ARHGAP28: variants seen among roughly 807,000 people sequenced by gnomAD.
The protein encoded by ARHGAP28 is Rho GTPase activating protein 28.
ARHGAP28 carries 56 observed loss-of-function variants against 90.7 expected under a neutral mutation model. That is an observed-to-expected ratio of 0.62 (90% CI 0.50 to 0.77). The LOEUF (loss-of-function observed/expected upper bound fraction) is 0.77. Ranked by LOEUF, ARHGAP28 falls within the 30% of genes least tolerant of loss-of-function variation. The pLI is 0.00. For synonymous variants in ARHGAP28, 308 were observed against 323.3 expected, an observed-to-expected ratio of 0.95 and a Z score of 0.51; for missense variants, 869 against 900.9, an observed-to-expected ratio of 0.96 and a Z score of 0.45.
chr18:6,766,540 G>A (rs1470021359), intron 1 of ARHGAP28, among the ~76,000 whole-genome samples: 2 of 152,236 alleles, frequency 1.3e-5, no homozygotes, highest in East Asian at 1.9e-4. Flanking sequence ...TGAGCACAGC[G>A]TGGTACTAAA....
intron 2 of ARHGAP28, among the ~76,000 whole-genome samples, chr18:6,829,469 A>G (rs1473950002): frequency 6.6e-6 from 1 of 152,244 alleles, no homozygotes; most frequent in Non-Finnish European, 1.5e-5. Flanking sequence ...AACTGCTACA[A>G]AAGCAGACCT....
chr18:6,736,068 GGAAA>G (rs2055924612), intron 1 of ARHGAP28, among the ~76,000 whole-genome samples: 2 of 152,102 alleles, frequency 1.3e-5, no homozygotes, highest in African/African-American at 4.8e-5. Flanking sequence ...TTGAGACTGT[GGAAA>G]TATCCTTTTT....
At chr18:6,744,646 A>G (rs150059758) in intron 1 of ARHGAP28, among the ~76,000 whole-genome samples, 106 of 152,304 alleles carry the variant, frequency 7.0e-4, no homozygotes, top group African/African-American at 2.4e-3. Context: ...AGTTCATTCA[A>G]TTACTCAAAG....
At chr18:6,752,600 G>A (rs1366716564) in intron 1 of ARHGAP28, among the ~76,000 whole-genome samples, 5 of 152,144 alleles carry the variant, frequency 3.3e-5, no homozygotes, top group African/African-American at 9.7e-5. Context: ...GCAAAACCAC[G>A]AAGTGCTAAA....
At chr18:6,876,498 A>G (rs1159750101) in intron 10 of ARHGAP28, among the ~76,000 whole-genome samples, 5 of 152,202 alleles carry the variant, frequency 3.3e-5, no homozygotes. Context: ...ATGAAATAGC[A>G]CATCAATTCA....
At position 6,856,558 on chromosome 18, in the gene ARHGAP28, G is replaced by A. The variant is rs141229497; in HGVS notation, c.637-3250G>A. Among the ~76,000 whole-genome samples the A allele has an allele frequency of 3.4e-3, 525 of 152,176 alleles. 7 individuals are homozygous for A. Among genetic ancestry groups the A allele is most frequent in the African/African-American group, 0.012 (492 of 41,498 alleles). The stretch of plus-strand genomic sequence containing the variant: ...AGGGTCTCACTCTGTTGTCCAGCCT[G>A]GAGAGCACTGGCACAATCATAGCTC... On this transcript the variant is annotated intron_variant, in intron 4 of 17. Coordinates refer to ENST00000383472, the MANE Select transcript of ARHGAP28 (RefSeq NM_001366230.1).
intron 1 of ARHGAP28, among the ~76,000 whole-genome samples, chr18:6,777,702 G>A (rs768232220): frequency 2.0e-5 from 3 of 152,132 alleles, no homozygotes; most frequent in Non-Finnish European, 2.9e-5. Context: ...TCCAGCCTGG[G>A]CAACAGAGCA....
chr18:6,877,567 G>A (rs562743835), intron 10 of ARHGAP28, among the ~76,000 whole-genome samples: 60 of 152,322 alleles, frequency 3.9e-4, no homozygotes, highest in Admixed American at 5.9e-4. Flanking sequence ...AAGCGAGGTC[G>A]GAGCAGGGCA....
chr18:6,877,683 C>T (rs762679385), intron 10 of ARHGAP28, among the ~76,000 whole-genome samples: 7 of 152,164 alleles, frequency 4.6e-5, no homozygotes, highest in African/African-American at 7.2e-5. Context: ...AAATGCCCAA[C>T]GGCTCCTTAA....
intron 11 of ARHGAP28, among the ~76,000 whole-genome samples, chr18:6,886,092 C>T (rs2057219040): frequency 1.3e-5 from 2 of 152,152 alleles, no homozygotes; most frequent in Admixed American, 1.3e-4. Flanking sequence ...ATACACTTGT[C>T]ATCTACTCCT....
chr18:6,825,055 A>G (rs2143773940), intron 2 of ARHGAP28, 91 bp downstream of exon 2: 1 of 1,149,810 alleles, frequency 8.7e-7, no homozygotes, highest in Non-Finnish European at 1.2e-6. Flanking sequence ...CATCCCACCA[A>G]TAGTTTAACC....
intron 1 of ARHGAP28, among the ~76,000 whole-genome samples, chr18:6,802,446 A>G (rs933971702): frequency 2.8e-5 from 4 of 145,066 alleles, no homozygotes; most frequent in Non-Finnish European, 3.0e-5. Flanking sequence ...CCTGGATTCA[A>G]TTAATTTTCC....
chr18:6,898,867 A>G (rs2057322923), intron 16 of ARHGAP28: 5 of 645,264 alleles, frequency 7.7e-6, no homozygotes, highest in South Asian at 1.2e-4. Context: ...GACACCATGG[A>G]CTTTGGGGAG....
intron 1 of ARHGAP28, among the ~76,000 whole-genome samples, chr18:6,738,737 T>A (rs1284155315): frequency 6.6e-6 from 1 of 152,108 alleles, no homozygotes; most frequent in African/African-American, 2.4e-5. Flanking sequence ...TGGGAGTAAA[T>A]CTATATTTAA....
At chr18:6,873,346 T>C (rs2057104574) in intron 7 of ARHGAP28, 63 bp from the exon 8 acceptor site, 1 of 1,439,254 alleles carries the variant, frequency 6.9e-7, no homozygotes, top group Admixed American at 2.0e-5. Context: ...AGGTGGCATT[T>C]GAGTGAACGC....
At chr18:6,856,766 TGTCA>T (rs780114013) in intron 4 of ARHGAP28, among the ~76,000 whole-genome samples, 2 of 152,138 alleles carry the variant, frequency 1.3e-5, no homozygotes, top group Non-Finnish European at 2.9e-5. Context: ...TCCTGGGCCC[TGTCA>T]GTCAGCAGGC....
intron 1 of ARHGAP28, among the ~76,000 whole-genome samples, chr18:6,804,161 G>A (rs2056502415): frequency 6.6e-6 from 1 of 152,206 alleles, no homozygotes; most frequent in East Asian, 1.9e-4. Context: ...CTTCTCAAGT[G>A]AGCTTTGGTA....
rs2056577182 is a variant in ARHGAP28 at position 6,814,469 on chromosome 18, C to T, written c.123-10293C>T. Among the ~76,000 whole-genome samples the T allele has an allele frequency of 3.9e-5, 6 of 152,176 alleles. No homozygotes were observed. The South Asian group carries it at 1.2e-3, about 31-fold the overall frequency. ...AAAGCAATACGAGGATACAATCAAG[C>T]AGAATTTATACATTTCCTGACTGAA... On this transcript the variant is annotated intron_variant, in intron 1 of 17. Transcript: ENST00000383472.
chr18:6,912,088 T>G lies in ARHGAP28; in HGVS notation c.2124T>G (p.Tyr708Ter). Residue 708 changes from tyrosine to a stop codon, truncating the protein, a stop_gained, in exon 18 of 18, where the codon TAT (tyrosine) becomes TAG (stop). Transcript: ENST00000383472. LOFTEE classifies it high-confidence loss of function. Reference protein sequence around the residue: ...IGEHCLDPDAYILDVYRINPQ... With the variant: ...IGEHCLDPDA Reference sequence around the variant, plus strand: ...AGCATTGCTTGGATCCAGATGCTTATATATTGGATGTATATCGTATAAATC... The same window carrying G: ...AGCATTGCTTGGATCCAGATGCTTAGATATTGGATGTATATCGTATAAATC... The G allele has an allele frequency of 6.2e-7, 1 of 1,607,116 alleles. No homozygotes were observed. Among genetic ancestry groups the G allele is most frequent in the Non-Finnish European group, 8.5e-7 (1 of 1,175,852 alleles).
Sources: allele counts gnomAD v4.1 joint callset (sites outside exome capture counted in the v4.1 genomes callset), GRCh38; gene constraint gnomAD v4.1.1; transcripts MANE v1.5; gene names NCBI Gene and HGNC (gene_info 2026-07-23, HGNC 2026-07-21).